C8orf34: variants seen among roughly 807,000 people sequenced by gnomAD.
The protein encoded by C8orf34 is chromosome 8 open reading frame 34, also known as uncharacterized protein C8orf34.
In C8orf34, 65 loss-of-function variants were observed where a neutral mutation model predicts 68.3. The ratio of observed to expected loss-of-function variants is 0.95; its 90% CI spans 0.78 to 1.17. The LOEUF is 1.17. C8orf34 is among the 50% of genes most tolerant of loss of function. The pLI, the probability that C8orf34 is intolerant of heterozygous loss-of-function variation, is 0.00. For synonymous variants in C8orf34, 244 were observed against 241.2 expected (o/e 1.01, Z -0.11); for missense variants, 664 against 655.4 (o/e 1.01, Z -0.14).
At chr8:68,687,801 G>A (rs1820564882) in intron 8 of C8orf34, among the ~76,000 whole-genome samples, 1 of 151,926 alleles carries the variant, frequency 6.6e-6, no homozygotes, top group Non-Finnish European at 1.5e-5. Flanking sequence ...TACACCAAAA[G>A]AAATAATCAA....
chr8:68,339,208 C>A (rs997739992), intron 1 of C8orf34, among the ~76,000 whole-genome samples: 16 of 151,932 alleles, frequency 1.1e-4, no homozygotes, highest in Admixed American at 1.0e-3. Context: ...GCAGAATTGA[C>A]ATCTTAACAA....
rs16935112 is a variant in C8orf34, at chr8:68,818,800, T to C, written c.*554T>C. ...CTCTTTCTCATGATTATTTTCTCTA[T>C]TCCTATTAAAATGAATAATTGATAT... On this transcript the variant is annotated 3_prime_UTR_variant, in exon 14 of 14. Transcript: ENST00000518698. 0.046 allele frequency: 6,975 copies of C among 152,156 alleles called. 164 individuals are homozygous for C. Among genetic ancestry groups the C allele is most frequent in the African/African-American group, 0.074 (3,065 of 41,500 alleles). The allele number at this position is 152,156 out of a possible 1,614,324, so 9.4% of individuals were successfully genotyped here. A position where few individuals can be genotyped will look rare whatever the true frequency, so the allele number is the denominator to read the frequency against.
At chr8:68,340,347 C>A (rs929574504) in intron 1 of C8orf34, among the ~76,000 whole-genome samples, 1 of 151,928 alleles carries the variant, frequency 6.6e-6, no homozygotes, top group Non-Finnish European at 1.5e-5. Context: ...ACAAATGAAT[C>A]CTGAATTATG....
chr8:68,603,357 T>C (rs1050157570), intron 7 of C8orf34, among the ~76,000 whole-genome samples: 3 of 152,104 alleles, frequency 2.0e-5, no homozygotes, highest in Non-Finnish European at 4.4e-5. Context: ...CCCAGGTATA[T>C]GCCCAAAAGA....
chr8:68,545,815 T>A (rs917716528), intron 7 of C8orf34, among the ~76,000 whole-genome samples: 2 of 152,096 alleles, frequency 1.3e-5, no homozygotes, highest in East Asian at 3.8e-4. Context: ...GGTGAATATG[T>A]AAGACTATCT....
At chr8:68,592,014 A>G (rs1343609018) in intron 7 of C8orf34, among the ~76,000 whole-genome samples, 1 of 152,172 alleles carries the variant, frequency 6.6e-6, no homozygotes, top group East Asian at 1.9e-4. Context: ...TTTTATGAGT[A>G]AAATCACAGC....
At chr8:68,492,886 A>G (rs539679039) in intron 5 of C8orf34, among the ~76,000 whole-genome samples, 1 of 152,186 alleles carries the variant, frequency 6.6e-6, no homozygotes, top group Non-Finnish European at 1.5e-5. Context: ...AAAAATCCAC[A>G]GAAAGGCTTT....
chr8:68,510,655 G>C (rs371878591), intron 5 of C8orf34, among the ~76,000 whole-genome samples: 43 of 152,106 alleles, frequency 2.8e-4, no homozygotes, highest in African/African-American at 8.5e-4. Context: ...ATCATAATAG[G>C]ACCGAGTTGT....
At position 68,425,692 on chromosome 8, in the gene C8orf34, T is replaced by C. The variant is rs557285046; in HGVS notation, c.328-13807T>C. On this transcript the variant is annotated intron_variant, in intron 1 of 13. Transcript: ENST00000518698. Reference sequence around the variant, plus strand: ...AGTCAAACTTACTCTATACTTTATATGAAAAGAGCCTAGAATAGCCAAAAC... The same window carrying C: ...AGTCAAACTTACTCTATACTTTATACGAAAAGAGCCTAGAATAGCCAAAAC... 4.1e-5 allele frequency among the ~76,000 whole-genome samples: 6 copies of C among 146,926 alleles called. No individual in the cohort carries two copies. The East Asian group carries it at 1.2e-3, about 29-fold the overall frequency.
At chr8:68,761,332 C>T (rs1743287430) in intron 10 of C8orf34, among the ~76,000 whole-genome samples, 1 of 152,162 alleles carries the variant, frequency 6.6e-6, no homozygotes, top group Non-Finnish European at 1.5e-5. Context: ...CACTACTGTA[C>T]CTTGCCCTCA....
chr8:68,374,325 G>A (rs148770577), intron 1 of C8orf34, among the ~76,000 whole-genome samples: 2 of 152,126 alleles, frequency 1.3e-5, no homozygotes, highest in African/African-American at 4.8e-5. Context: ...TACAGCTAAG[G>A]TAAGATGGGA....
chr8:68,600,030 T>C (rs1399857832), intron 7 of C8orf34, among the ~76,000 whole-genome samples: 1 of 152,060 alleles, frequency 6.6e-6, no homozygotes, highest in Non-Finnish European at 1.5e-5. Flanking sequence ...AAAAATGTGA[T>C]CAATATAATC....
At chr8:68,785,818 T>A (rs1452787875) in intron 11 of C8orf34, among the ~76,000 whole-genome samples, 1 of 152,202 alleles carries the variant, frequency 6.6e-6, no homozygotes, top group Non-Finnish European at 1.5e-5. Flanking sequence ...ATATATCCTG[T>A]GCATCACACA....
intron 4 of C8orf34, among the ~76,000 whole-genome samples, chr8:68,484,555 G>A (rs73264475): frequency 0.036 from 5,438 of 152,102 alleles, 342 homozygotes; most frequent in African/African-American, 0.12. Context: ...AAGATCCCCA[G>A]TCTTCATTAA....
At chr8:68,748,361 G>A (rs986236635) in intron 10 of C8orf34, among the ~76,000 whole-genome samples, 1 of 147,488 alleles carries the variant, frequency 6.8e-6, no homozygotes, top group Non-Finnish European at 1.5e-5. Context: ...AAAAGCAATG[G>A]CAACAAAAGC....
intron 4 of C8orf34, among the ~76,000 whole-genome samples, chr8:68,487,807 A>G (rs1813142090): frequency 6.6e-6 from 1 of 152,216 alleles, no homozygotes; most frequent in African/African-American, 2.4e-5. Context: ...CATCATTTGC[A>G]TTGCTTCAGC....
chr8:68,533,978 A>C, intron 7 of C8orf34: 2 of 872,334 alleles, frequency 2.3e-6, no homozygotes, highest in Non-Finnish European at 2.8e-6. Flanking sequence ...AAATAATATA[A>C]TTATTTGAAA....
At chr8:68,398,597 A>G (rs1808815462) in intron 1 of C8orf34, among the ~76,000 whole-genome samples, 1 of 152,182 alleles carries the variant, frequency 6.6e-6, no homozygotes, top group African/African-American at 2.4e-5. Flanking sequence ...TTCACTATGT[A>G]TTAATATAAG....
intron 8 of C8orf34, among the ~76,000 whole-genome samples, chr8:68,691,519 A>G (rs186525418): frequency 6.6e-6 from 1 of 152,120 alleles, no homozygotes; most frequent in African/African-American, 2.4e-5. Context: ...CTTCAAACTG[A>G]TAAGTGAATT....
Sources: gnomAD v4.1 joint callset for allele counts (sites outside exome capture counted in the v4.1 genomes callset) on GRCh38, gnomAD v4.1.1 for gene constraint, MANE v1.5 for transcripts, NCBI Gene and HGNC (gene_info 2026-07-23, HGNC 2026-07-21) for gene names.